PDE4D: variants seen among roughly 807,000 people sequenced by gnomAD.
PDE4D encodes 3',5'-cyclic-AMP phosphodiesterase 4D.
A neutral mutation model predicts 87.4 loss-of-function variants in PDE4D; 24 were observed. The observed-to-expected ratio is 0.27, with a 90% CI of 0.20 to 0.39. The LOEUF is 0.39. Ranked by LOEUF, PDE4D falls within the 10% of genes least tolerant of loss-of-function variation. The pLI, the probability that PDE4D is intolerant of heterozygous loss-of-function variation, is 1.00. For synonymous variants in PDE4D, 384 were observed against 383.2 expected, an observed-to-expected ratio of 1.00 and a Z score of -0.02; for missense variants, 714 against 1,041.0, an observed-to-expected ratio of 0.69 and a Z score of 4.32.
intron 5 of PDE4D, among the ~76,000 whole-genome samples, chr5:59,139,983 A>G (rs16889258): frequency 0.24 from 36,468 of 152,108 alleles, 4,636 homozygotes; most frequent in African/African-American, 0.29. Context: ...TATGCCTAGA[A>G]ACATGTAAGT....
At chr5:60,473,017 G>A (rs1483911959) in intron 1 of PDE4D, among the ~76,000 whole-genome samples, 6 of 151,358 alleles carry the variant, frequency 4.0e-5, no homozygotes, top group Non-Finnish European at 7.4e-5. Context: ...ATAAGCTGAG[G>A]AGCATCTGAA....
At chr5:59,558,586 G>A (rs908406150) in intron 1 of PDE4D, 1 of 152,130 alleles carries the variant, frequency 6.6e-6, no homozygotes. Flanking sequence ...TTTTAATGTT[G>A]AAACAAATAG....
intron 1 of PDE4D, among the ~76,000 whole-genome samples, chr5:59,444,599 T>A (rs1014226176): frequency 1.9e-4 from 29 of 151,888 alleles, no homozygotes; most frequent in Admixed American, 3.9e-4. Flanking sequence ...GATCACGAGG[T>A]CAGGAGAACG....
intron 1 of PDE4D, among the ~76,000 whole-genome samples, chr5:59,224,984 C>G (rs1028208458): frequency 2.0e-5 from 3 of 152,078 alleles, no homozygotes; most frequent in East Asian, 3.9e-4. Context: ...AAAGCCCCAA[C>G]CAAAAATTGT....
At chr5:59,066,765 A>G (rs1448860779) in intron 5 of PDE4D, among the ~76,000 whole-genome samples, 2 of 152,248 alleles carry the variant, frequency 1.3e-5, no homozygotes, top group Non-Finnish European at 1.5e-5. Context: ...TAATTAGGTC[A>G]TGAGAGCACA....
intron 2 of PDE4D, among the ~76,000 whole-genome samples, chr5:60,130,456 T>C (rs1582798954): frequency 6.6e-6 from 1 of 152,278 alleles, no homozygotes; most frequent in East Asian, 1.9e-4. Context: ...TCCTTGACAG[T>C]CTTTGTAGAT....
chr5:59,123,179 C>T (rs771611007), intron 5 of PDE4D, among the ~76,000 whole-genome samples: 4 of 152,116 alleles, frequency 2.6e-5, no homozygotes, highest in African/African-American at 7.2e-5. Flanking sequence ...GATCAATCAA[C>T]GAGAATTCTC....
chr5:60,273,468 G>A (rs1301551446), intron 1 of PDE4D, among the ~76,000 whole-genome samples: 1 of 152,122 alleles, frequency 6.6e-6, no homozygotes, highest in Non-Finnish European at 1.5e-5. Flanking sequence ...GAGAGCAATG[G>A]AGAGCTACTA....
chr5:60,368,705 T>G (rs1760764388), intron 1 of PDE4D, among the ~76,000 whole-genome samples: 2 of 152,160 alleles, frequency 1.3e-5, no homozygotes, highest in African/African-American at 4.8e-5. Flanking sequence ...GGGGGCGGGA[T>G]GTCCCCCTTG....
At chr5:60,475,046 C>CT (rs1216237591) in intron 1 of PDE4D, among the ~76,000 whole-genome samples, 9 of 152,010 alleles carry the variant, frequency 5.9e-5, no homozygotes, top group Non-Finnish European at 1.3e-4. Context: ...GTAAAAGAGT[C>CT]TTTTTTTAAC....
chr5:60,505,190 T>C (rs915374035), intron 1 of PDE4D, among the ~76,000 whole-genome samples: 1 of 152,206 alleles, frequency 6.6e-6, no homozygotes, highest in African/African-American at 2.4e-5. Context: ...CAAAGGTCAA[T>C]GAAGGCAAGG....
At chr5:60,054,972 G>A (rs1282559244) in intron 2 of PDE4D, among the ~76,000 whole-genome samples, 1 of 151,900 alleles carries the variant, frequency 6.6e-6, no homozygotes, top group African/African-American at 2.4e-5. Flanking sequence ...AATATAAAGA[G>A]ATAACTACAG....
chr5:58,989,122 T>C (rs142108751), intron 10 of PDE4D, among the ~76,000 whole-genome samples: 31 of 152,196 alleles, frequency 2.0e-4, no homozygotes, highest in African/African-American at 7.5e-4. Context: ...AATGTGATAG[T>C]TGTGACAACC....
intron 2 of PDE4D, among the ~76,000 whole-genome samples, chr5:59,197,679 G>A (rs114160891): frequency 0.012 from 1,866 of 152,184 alleles, 31 homozygotes; most frequent in African/African-American, 0.044. Context: ...ACATATCTTT[G>A]AATTGTGTCT....
At position 58,977,083 on chromosome 5, in the gene PDE4D, AT is replaced by A. The variant is rs201843304; in HGVS notation, c.1707+107del. On this transcript the variant is annotated intron_variant, in intron 12 of 14. Coordinates refer to ENST00000340635, the MANE Select transcript of PDE4D (RefSeq NM_001104631.2). The stretch of plus-strand genomic sequence containing the variant: ...CTTCTATAACATAAAGGGCCATAAT[AT>A]GTTTTGAAATGCAGTTCCTTTTACC... 6 of 971,460 alleles carry A rather than the reference AT, an allele frequency of 6.2e-6. No individual in the cohort carries two copies. In the African/African-American group the frequency reaches 1.0e-4, roughly 17 times the overall value. 60.2% of individuals were successfully genotyped at this position (971,460 alleles called of 1,614,324 possible).
At chr5:59,534,025 C>T (rs2153680900) in intron 1 of PDE4D, among the ~76,000 whole-genome samples, 1 of 152,242 alleles carries the variant, frequency 6.6e-6, no homozygotes, top group East Asian at 1.9e-4. Context: ...CTAAAACCTC[C>T]CCTAAAACCC....
rs1554144202 is a variant in PDE4D, at chr5:60,063,095, G to GAAAGAAGAAAGA, written c.43-74379_43-74378insTCTTTCTTCTTT. Among the ~76,000 whole-genome samples, 102 of 97,272 alleles carry GAAAGAAGAAAGA rather than the reference G, an allele frequency of 1.0e-3. 1 individual carries two copies. Among genetic ancestry groups the GAAAGAAGAAAGA allele is most frequent in the South Asian group, 2.7e-3 (7 of 2,574 alleles). 63.8% of individuals were successfully genotyped at this position (97,272 alleles called of 152,430 possible). ...CTTAAAGAAGAAAGAAAGAAAGAAA[G>GAAAGAAGAAAGA]AAGAAAGAAAGAAAGAAAGAAAGAA... On this transcript the variant is annotated intron_variant, in intron 2 of 16. Transcript: ENST00000502484.
chr5:59,903,295 G>A (rs1752473210), intron 3 of PDE4D, among the ~76,000 whole-genome samples: 1 of 151,816 alleles, frequency 6.6e-6, no homozygotes, highest in African/African-American at 2.4e-5. Context: ...TTAGGAAGCG[G>A]GGTTTGCAGG....
chr5:60,411,078 G>C (rs1466318354), intron 1 of PDE4D, among the ~76,000 whole-genome samples: 1 of 152,208 alleles, frequency 6.6e-6, no homozygotes, highest in Non-Finnish European at 1.5e-5. Flanking sequence ...TGGCCCTAGA[G>C]AATGGGAGAT....
Sources: gnomAD v4.1 joint callset for allele counts (sites outside exome capture counted in the v4.1 genomes callset) on GRCh38, gnomAD v4.1.1 for gene constraint, MANE v1.5 for transcripts, NCBI Gene and HGNC (gene_info 2026-07-23, HGNC 2026-07-21) for gene names.